Variants in CWC22 observed in about 807,000 individuals in gnomAD.
CWC22 encodes pre-mRNA-splicing factor CWC22 homolog.
CWC22 carries 53 observed loss-of-function variants against 117.2 expected under a neutral mutation model. That is an observed-to-expected ratio of 0.45 (90% CI 0.36 to 0.57). The LOEUF (loss-of-function observed/expected upper bound fraction) is 0.57, where lower values mean the gene tolerates loss of function less well. CWC22 is among the 20% of genes least tolerant of loss of function. CWC22 has a pLI of 0.00. For missense variants in CWC22, 980 were observed against 1,068.8 expected, an observed-to-expected ratio of 0.92 and a Z score of 1.16; for synonymous variants, 360 against 355.6, an observed-to-expected ratio of 1.01 and a Z score of -0.14.
At chr2:179,957,033 T>C (rs1289149807) in intron 14 of CWC22, among the ~76,000 whole-genome samples, 1 of 152,144 alleles carries the variant, frequency 6.6e-6, no homozygotes, top group Non-Finnish European at 1.5e-5. Context: ...CTAAGATACT[T>C]TTCCAAATAT....
rs753197563 is a variant in CWC22, at chr2:179,986,792, C to T, written c.109G>A (p.Glu37Lys). Residue 37 changes from glutamate (E) to lysine (K), a missense_variant, in exon 4 of 20, where the codon GAA becomes AAA. Physicochemically the swap from Glu to Lys is moderately conservative, Grantham distance 56. Transcript: ENST00000410053. ...TAATCTCTATCCCGGGGGGATCGTTCTTGTTCTTCATATCTAACATAAAAT... is the reference window on the plus strand; with the variant it reads ...TAATCTCTATCCCGGGGGGATCGTTTTTGTTCTTCATATCTAACATAAAAT... ...SSPEDRYEEQ[E>K]RSPRDRDYFD... 1 of 1,575,074 alleles carries T rather than the reference C, an allele frequency of 6.3e-7. No homozygotes were observed. Among genetic ancestry groups the T allele is most frequent in the East Asian group, 2.3e-5 (1 of 44,386 alleles).
intron 15 of CWC22, 26 bp from the exon 16 acceptor site, chr2:179,954,383 T>C (rs763498200): frequency 3.3e-5 from 47 of 1,442,090 alleles, no homozygotes; most frequent in Non-Finnish European, 4.5e-5. Flanking sequence ...TCAGTACCAT[T>C]AAAAATTGAA....
At chr2:179,993,569 AAT>A (rs1687625199) in intron 1 of CWC22, 115 bp from the exon 2 acceptor site, 5 of 475,894 alleles carry the variant, frequency 1.1e-5, no homozygotes, top group African/African-American at 9.9e-5. Context: ...TCCATAAACA[AAT>A]ATAATAAAAA....
At chr2:179,962,978 C>CA (rs1360912861) in intron 13 of CWC22, among the ~76,000 whole-genome samples, 2 of 151,730 alleles carry the variant, frequency 1.3e-5, no homozygotes, top group Non-Finnish European at 2.9e-5. Context: ...AAAAAAATAA[C>CA]AAAAAATCCC....
chr2:179,979,134 G>A (rs1445044516), intron 5 of CWC22, among the ~76,000 whole-genome samples: 3 of 151,998 alleles, frequency 2.0e-5, no homozygotes, highest in African/African-American at 4.8e-5. Flanking sequence ...TGTCTCTCTC[G>A]GGAAGTCTGG....
Position 179,951,080 on chromosome 2 carries a change from C to T in CWC22, c.1818-154G>A, listed in dbSNP as rs1686435275. Among the ~76,000 whole-genome samples, 3 of 151,922 alleles carry T rather than the reference C, an allele frequency of 2.0e-5. No individual in the cohort carries two copies. In the South Asian group the frequency reaches 6.2e-4, roughly 32 times the overall value. Reference sequence around the variant, plus strand: ...GTCATTTATTAGGTTAGGCTACGTGCTATCTAAATGAAATGAGTAGGGTCA... The same window carrying T: ...GTCATTTATTAGGTTAGGCTACGTGTTATCTAAATGAAATGAGTAGGGTCA... On this transcript the variant is annotated intron_variant, in intron 17 of 19. Coordinates refer to ENST00000410053, the MANE Select transcript of CWC22 (RefSeq NM_020943.3).
At chr2:179,950,454 A>T (rs1686415351) in intron 19 of CWC22, 58 bp downstream of exon 19, 5 of 1,024,184 alleles carry the variant, frequency 4.9e-6, no homozygotes, top group Non-Finnish European at 7.3e-6. Flanking sequence ...TCCTTCATAT[A>T]TATCAGCAAC....
intron 1 of CWC22, among the ~76,000 whole-genome samples, chr2:179,997,265 T>C (rs141922337): frequency 6.6e-6 from 1 of 152,092 alleles, no homozygotes; most frequent in Admixed American, 6.5e-5. Context: ...CAATATGGAC[T>C]CTAAGTAGCA....
At chr2:179,989,370 G>A (rs984411600) in intron 2 of CWC22, among the ~76,000 whole-genome samples, 7 of 151,768 alleles carry the variant, frequency 4.6e-5, no homozygotes, top group South Asian at 2.1e-4. Context: ...TGATCTTCTC[G>A]CCTCAGCCAC....
At chr2:180,001,665 T>C (rs1687853070) in intron 1 of CWC22, among the ~76,000 whole-genome samples, 1 of 152,204 alleles carries the variant, frequency 6.6e-6, no homozygotes, top group Non-Finnish European at 1.5e-5. Flanking sequence ...CTACCCACTG[T>C]AATTCAGCTT....
chr2:180,002,848 T>C (rs998825585), intron 1 of CWC22, among the ~76,000 whole-genome samples: 17 of 152,168 alleles, frequency 1.1e-4, no homozygotes, highest in African/African-American at 4.1e-4. Context: ...AAGGTGTACA[T>C]GAAAAACTGA....
intron 19 of CWC22, among the ~76,000 whole-genome samples, chr2:179,946,716 C>T (rs1299304672): frequency 6.6e-6 from 1 of 152,170 alleles, no homozygotes; most frequent in African/African-American, 2.4e-5. Flanking sequence ...ATCACCCAAA[C>T]TAGCATTCAC....
chr2:179,980,016 T>A (rs1687247994), intron 5 of CWC22, among the ~76,000 whole-genome samples: 1 of 152,194 alleles, frequency 6.6e-6, no homozygotes, highest in Non-Finnish European at 1.5e-5. Flanking sequence ...AAAATTATCT[T>A]AAAGGAATCT....
chr2:179,978,829 G>A (rs1489751761), intron 5 of CWC22, among the ~76,000 whole-genome samples: 1 of 151,802 alleles, frequency 6.6e-6, no homozygotes, highest in African/African-American at 2.4e-5. Context: ...GTAACTACAG[G>A]AAAAGGGAGT....
chr2:179,980,419 ATTT>A (rs34435290), intron 5 of CWC22, among the ~76,000 whole-genome samples: 1 of 136,524 alleles, frequency 7.3e-6, no homozygotes, highest in Non-Finnish European at 1.5e-5. Flanking sequence ...GACATTTCTT[ATTT>A]TTTTTTTTTT....
At chr2:179,953,879 A>T (rs959540042) in intron 16 of CWC22, among the ~76,000 whole-genome samples, 1 of 152,124 alleles carries the variant, frequency 6.6e-6, no homozygotes, top group African/African-American at 2.4e-5. Flanking sequence ...AAATAGTGGC[A>T]TATGTGGATG....
At chr2:179,973,975 G>A (rs1187169525) in intron 6 of CWC22, among the ~76,000 whole-genome samples, 173 bp from the exon 7 acceptor site, 2 of 152,098 alleles carry the variant, frequency 1.3e-5, no homozygotes, top group African/African-American at 2.4e-5. Context: ...TTCAGAAAAC[G>A]AAATGTGAAT....
chr2:179,966,086 AAC>A (rs1269898296), intron 11 of CWC22, 104 bp from the exon 12 acceptor site: 1 of 820,684 alleles, frequency 1.2e-6, no homozygotes, highest in East Asian at 2.6e-5. Flanking sequence ...ACTGTGGTGT[AAC>A]AGTTTGCTAG....
chr2:180,002,164 G>A (rs968075329), intron 1 of CWC22, among the ~76,000 whole-genome samples: 1 of 152,168 alleles, frequency 6.6e-6, no homozygotes, highest in Non-Finnish European at 1.5e-5. Flanking sequence ...AATCCACAGT[G>A]GAACTAATTA....
Sources: allele counts gnomAD v4.1 joint callset (sites outside exome capture counted in the v4.1 genomes callset), GRCh38; gene constraint gnomAD v4.1.1; transcripts MANE v1.5; gene names NCBI Gene and HGNC (gene_info 2026-07-23, HGNC 2026-07-21).